SSX3: variants seen among roughly 807,000 people sequenced by gnomAD.
SSX3 encodes the protein SSX family member 3.
In SSX3, 6 loss-of-function variants were observed where a neutral mutation model predicts 14.8. The ratio of observed to expected loss-of-function variants is 0.41; its 90% confidence interval spans 0.22 to 0.80. The LOEUF (loss-of-function observed/expected upper bound fraction) is 0.80, where lower values mean the gene tolerates loss of function less well. SSX3 is among the 30% of genes least tolerant of loss of function. The pLI, the probability that SSX3 is intolerant of heterozygous loss-of-function variation, is 0.34. For missense variants in SSX3, 163 were observed against 152.2 expected, an observed-to-expected ratio of 1.07 and a Z score of -0.37; for synonymous variants, 55 against 52.9, an observed-to-expected ratio of 1.04 and a Z score of -0.18.
chrX:48,351,849 T>C (rs2061264528), intron 5 of SSX3, among the ~76,000 whole-genome samples: 1 of 112,302 alleles, frequency 8.9e-6, no homozygotes, highest in Non-Finnish European at 1.9e-5. Flanking sequence ...AACAATGTCT[T>C]CTTAAGGATT....
rs1283928720 is a variant in SSX3, at chrX:48,348,253, G to A, written c.467-649C>T. The A allele has an allele frequency of 8.6e-6, 4 of 463,160 alleles. No homozygotes were observed. In the African/African-American group the frequency reaches 9.8e-5, roughly 11 times the overall value. 38.2% of individuals were successfully genotyped at this position (463,160 alleles called of 1,213,427 possible). On this transcript the variant is annotated intron_variant, in intron 6 of 7. Transcript: ENST00000298396. Reference sequence around the variant, plus strand: ...CTTGCCTTACAAACAATCCATTTATGCTCTTTTAGTTTTTTTAAGTACAAT... The same window carrying A: ...CTTGCCTTACAAACAATCCATTTATACTCTTTTAGTTTTTTTAAGTACAAT...
In SSX3 at chrX:48,346,452, G is replaced by A. The variant is rs1365356373; in HGVS notation, c.*588C>T. The A allele has an allele frequency of 4.4e-5, 8 of 179,954 alleles. No individual in the cohort carries two copies. The highest frequency in any genetic ancestry group is 6.2e-5 in the Non-Finnish European group (6 of 96,235). The allele number at this position is 179,954 out of a possible 1,213,427, so 14.8% of individuals were successfully genotyped here. Reference sequence around the variant, plus strand: ...GAACGTTTGCAAAGGTTTATTTACTGTCAGTGACTGCTACAGGGGAATCGG... The same window carrying A: ...GAACGTTTGCAAAGGTTTATTTACTATCAGTGACTGCTACAGGGGAATCGG... On this transcript the variant is annotated 3_prime_UTR_variant, in exon 8 of 8. Transcript: ENST00000298396.
chrX:48,351,839 A>G (rs1391448505), intron 5 of SSX3, among the ~76,000 whole-genome samples: 2 of 112,536 alleles, frequency 1.8e-5, no homozygotes, highest in Non-Finnish European at 3.7e-5. Flanking sequence ...AGATAATAGA[A>G]ACAATGTCTT....
chrX:48,355,470 A>C (rs1307635132), intron 1 of SSX3, among the ~76,000 whole-genome samples: 10 of 111,179 alleles, frequency 9.0e-5, no homozygotes, highest in Non-Finnish European at 1.9e-4. Flanking sequence ...AAGTATTGAT[A>C]GGGGATGACA....
At chrX:48,349,939 C>T (rs781909335) in intron 6 of SSX3, 48 bp downstream of exon 6, 5 of 1,206,482 alleles carry the variant, frequency 4.1e-6, no homozygotes, top group East Asian at 5.9e-5. Context: ...CACACCTGAA[C>T]GTCGCCAGGG....
At chrX:48,351,239 C>G (rs1329569137) in intron 5 of SSX3, among the ~76,000 whole-genome samples, 1 of 111,789 alleles carries the variant, frequency 8.9e-6, no homozygotes, top group East Asian at 2.8e-4. Flanking sequence ...CACTGGCAAC[C>G]CAACTCCCAG....
chrX:48,354,585 A>G, intron 3 of SSX3, 47 bp downstream of exon 3: 3 of 1,141,785 alleles, frequency 2.6e-6, no homozygotes, highest in Non-Finnish European at 3.6e-6. Flanking sequence ...AGGAAAAGGG[A>G]TGCTCATGTG....
chrX:48,351,746 C>T (rs781989506), intron 5 of SSX3, among the ~76,000 whole-genome samples: 1 of 111,176 alleles, frequency 9.0e-6, no homozygotes, highest in Admixed American at 9.5e-5. Context: ...GAATCTGGAG[C>T]TCAGAGAACT....
intron 4 of SSX3, among the ~76,000 whole-genome samples, chrX:48,352,584 A>G (rs1322200346): frequency 8.9e-6 from 1 of 112,504 alleles, no homozygotes; most frequent in Non-Finnish European, 1.9e-5. Flanking sequence ...TGGCTCTGAA[A>G]GATTTTCAGT....
intron 6 of SSX3, chrX:48,348,582 C>T: frequency 2.3e-6 from 1 of 426,824 alleles, no homozygotes; most frequent in South Asian, 3.6e-5. Context: ...AGTGAGGAAG[C>T]ATGCTGAAAG....
rs1480082620 is a variant in SSX3, at chrX:48,353,924, C to A, written c.280+75G>T. ...TGTATGAGGGAACAAATGCCTGAGG[C>A]TCTTTCCCAGGTAGCTGAGCTGAAA... On this transcript the variant is annotated intron_variant, in intron 4 of 7. Coordinates refer to ENST00000298396, the MANE Select transcript of SSX3 (RefSeq NM_021014.4). The A allele has an allele frequency of 2.5e-5, 26 of 1,053,486 alleles. No individual in the cohort carries two copies. The Middle Eastern group carries it at 7.5e-4, about 30-fold the overall frequency. 86.8% of individuals were successfully genotyped at this position (1,053,486 alleles called of 1,213,427 possible).
Position 48,346,827 on chromosome X carries a change from C to G in SSX3, c.*213G>C. 4.7e-6 allele frequency: 3 copies of G among 643,789 alleles called. No individual in the cohort carries two copies. In the Admixed American group the frequency reaches 8.7e-5, roughly 19 times the overall value. 53.1% of individuals were successfully genotyped at this position (643,789 alleles called of 1,213,427 possible). The stretch of plus-strand genomic sequence containing the variant: ...CATCAGTGAAAATGTTAATATCTAA[C>G]AGAATGACACACTTCAAGAAAATAC... On this transcript the variant is annotated 3_prime_UTR_variant, in exon 8 of 8. Coordinates refer to ENST00000298396, the MANE Select transcript of SSX3 (RefSeq NM_021014.4).
intron 7 of SSX3, among the ~76,000 whole-genome samples, 179 bp from the exon 8 acceptor site, chrX:48,347,214 C>T (rs2061242631): frequency 8.9e-6 from 1 of 112,490 alleles, no homozygotes; most frequent in South Asian, 3.7e-4. Context: ...CAGTGACTTC[C>T]TCGCCTGGGC....
Position 48,346,798 on chromosome X carries a change from T to C in SSX3, c.*242A>G. Reference sequence around the variant, plus strand: ...ACCAAAATATGCATTAAGTATGTCTTGCTCATCAGTGAAAATGTTAATATC... The same window carrying C: ...ACCAAAATATGCATTAAGTATGTCTCGCTCATCAGTGAAAATGTTAATATC... On this transcript the variant is annotated 3_prime_UTR_variant, in exon 8 of 8. Coordinates refer to ENST00000298396, the MANE Select transcript of SSX3 (RefSeq NM_021014.4). 1.9e-6 allele frequency: 1 copy of C among 537,785 alleles called. No homozygotes were observed. Among genetic ancestry groups the C allele is most frequent in the Non-Finnish European group, 3.0e-6 (1 of 329,287 alleles). 44.3% of individuals were successfully genotyped at this position (537,785 alleles called of 1,213,427 possible). A position where few individuals can be genotyped will look rare whatever the true frequency, so the allele number is the denominator to read the frequency against.
chrX:48,353,904 G>C, intron 4 of SSX3, 95 bp downstream of exon 4: 1 of 936,712 alleles, frequency 1.1e-6, no homozygotes, highest in Non-Finnish European at 1.5e-6. Context: ...CGATGTGTAT[G>C]AGGGAACAAA....
chrX:48,356,006 C>G (rs781893292), intron 1 of SSX3, among the ~76,000 whole-genome samples: 2 of 110,983 alleles, frequency 1.8e-5, no homozygotes, highest in South Asian at 7.8e-4. Context: ...GCAAAACCCC[C>G]GTCTACAAAA....
At position 48,354,065 on chromosome X, in the gene SSX3, G is replaced by A. The variant is rs781891660; in HGVS notation, c.214C>T (p.Arg72Cys). 1.7e-6 allele frequency: 2 copies of A among 1,206,060 alleles called. No individual in the cohort carries two copies. Among genetic ancestry groups the A allele is most frequent in the East Asian group, 3.0e-5 (1 of 33,615 alleles). ...GFKAILPSFM[R>C]NKRVTDFQGN... is the part of the protein sequence containing the mutation. ...TGGAAGTCTGTGACCCGTTTATTACGCATGAAAGATGGGAGGATGGCCTTG... is the reference window on the plus strand; with the variant it reads ...TGGAAGTCTGTGACCCGTTTATTACACATGAAAGATGGGAGGATGGCCTTG... The change falls in exon 4 of 8, where the codon CGT becomes TGT. Residue 72 changes from arginine to cysteine, a missense_variant. Arg to Cys is a radical substitution (Grantham distance 180). Transcript: ENST00000298396.
At chrX:48,352,180 G>T (rs782350312) in intron 4 of SSX3, 31 bp from the exon 5 acceptor site, 1 of 1,194,570 alleles carries the variant, frequency 8.4e-7, no homozygotes, top group Admixed American at 2.2e-5. Flanking sequence ...ATTTTTCATT[G>T]TTGGTAAAGG....
Position 48,354,672 on chromosome X carries a change from A to G in SSX3, c.144T>C (p.Tyr48=), listed in dbSNP as rs2037911207. 3.3e-6 allele frequency: 4 copies of G among 1,209,171 alleles called. No individual in the cohort carries two copies. Among genetic ancestry groups the G allele is most frequent in the African/African-American group, 1.7e-5 (1 of 57,446 alleles). ...CCTCATACTTTCTCTTCATATACACATAGACGATTTTCTCCGAGACTTTCA... is the reference window on the plus strand; with the variant it reads ...CCTCATACTTTCTCTTCATATACACGTAGACGATTTTCTCCGAGACTTTCA... ...EKMKVSEKIV[Y]VYMKRKYEAM... is the part of the protein sequence containing the mutation. The change falls in exon 3 of 8, where the codon TAT becomes TAC. Residue 48 remains tyrosine, a synonymous_variant. Coordinates refer to ENST00000298396, the MANE Select transcript of SSX3 (RefSeq NM_021014.4).
Sources: allele counts gnomAD v4.1 joint callset (sites outside exome capture counted in the v4.1 genomes callset), GRCh38; gene constraint gnomAD v4.1.1; transcripts MANE v1.5; gene names NCBI Gene and HGNC (gene_info 2026-07-23, HGNC 2026-07-21).